Variants in STPG1 observed in about 807,000 individuals in gnomAD.
STPG1 encodes the protein O(6)-methylguanine-induced apoptosis 2.
STPG1 carries 33 observed loss-of-function variants against 40.1 expected under a neutral mutation model. The observed-to-expected ratio is 0.82, with a 90% CI of 0.62 to 1.10. The LOEUF (loss-of-function observed/expected upper bound fraction) is 1.10. STPG1 is among the 50% of genes least tolerant of loss of function. The probability of loss-of-function intolerance (pLI) is 0.00; values close to 1 mark genes in which losing one functional copy is unlikely to be tolerated. For synonymous variants in STPG1, 150 were observed against 155.0 expected (o/e 0.97, Z 0.24); for missense variants, 396 against 415.1 (o/e 0.95, Z 0.40).
At chr1:24,364,170 C>A in intron 7 of STPG1, 1 of 1,490,636 alleles carries the variant, frequency 6.7e-7, no homozygotes, top group Non-Finnish European at 8.9e-7. Context: ...TCTTGACGTT[C>A]TCACTTTCTT....
rs72880624 is a variant in STPG1 at position 24,371,057 on chromosome 1, G to T, written c.572-1218C>A. ...ATGAATTTGTGTACAAAGCTTTAAGGAAGAAGAGAATGACCAAAACTGGGG... is the reference window on the plus strand; with the variant it reads ...ATGAATTTGTGTACAAAGCTTTAAGTAAGAAGAGAATGACCAAAACTGGGG... On this transcript the variant is annotated intron_variant, in intron 6 of 8. Coordinates refer to ENST00000337248, the MANE Select transcript of STPG1 (RefSeq NM_001199013.2). Among the ~76,000 whole-genome samples the T allele has an allele frequency of 3.4e-3, 520 of 152,210 alleles. 1 individual carries two copies. The highest frequency in any genetic ancestry group is 0.012 in the African/African-American group (493 of 41,528).
At chr1:24,407,731 C>T (rs529559046) in intron 1 of STPG1, among the ~76,000 whole-genome samples, 4 of 152,088 alleles carry the variant, frequency 2.6e-5, no homozygotes, top group East Asian at 1.9e-4. Context: ...CCACCATGCC[C>T]GGCCAAGTTC....
chr1:24,397,560 T>C (rs1643057728), intron 2 of STPG1, among the ~76,000 whole-genome samples: 3 of 151,898 alleles, frequency 2.0e-5, no homozygotes, highest in Non-Finnish European at 4.4e-5. Flanking sequence ...CCAGACAATA[T>C]ATAAAAAGAT....
At chr1:24,406,120 T>C (rs932050317) in intron 1 of STPG1, among the ~76,000 whole-genome samples, 3 of 152,134 alleles carry the variant, frequency 2.0e-5, no homozygotes, top group African/African-American at 4.8e-5. Flanking sequence ...ACTTGTTATA[T>C]TGGCCCTTGT....
chr1:24,396,299 C>CATCT (rs1553126267), intron 2 of STPG1, among the ~76,000 whole-genome samples: 8,271 of 144,364 alleles, frequency 0.057, 453 homozygotes, highest in African/African-American at 0.16. Flanking sequence ...ATCTATCTAT[C>CATCT]ATCTATCTAT....
intron 4 of STPG1, among the ~76,000 whole-genome samples, chr1:24,380,724 G>C (rs1022868735): frequency 2.0e-5 from 3 of 152,164 alleles, no homozygotes; most frequent in Admixed American, 2.0e-4. Context: ...ATTTGGGGGG[G>C]TGTAGCACCA....
Position 24,373,779 on chromosome 1 carries a change from T to C in STPG1, c.494A>G (p.Asn165Ser). ...CATAAACCCGGCTCGAGTACAGACG[T>C]TGTTTCTCTGCTTGCAGCAAGAGAC... The part of the protein sequence containing the change: ...ASVSCCKQRN[N>S]VCTRAGFMSK... The change falls in exon 6 of 9, where the codon AAC becomes AGC. Residue 165 changes from asparagine (N) to serine (S), a missense_variant. Coordinates refer to ENST00000337248, the MANE Select transcript of STPG1 (RefSeq NM_001199013.2). The C allele has an allele frequency of 6.2e-7, 1 of 1,610,158 alleles. No individual in the cohort carries two copies.
intron 3 of STPG1, among the ~76,000 whole-genome samples, chr1:24,388,419 C>T (rs1318800292): frequency 6.6e-6 from 1 of 152,200 alleles, no homozygotes; most frequent in Non-Finnish European, 1.5e-5. Context: ...GGAAAACAGA[C>T]TTCATTTCTA....
In STPG1 at chr1:24,383,985, C is replaced by G; in HGVS notation, c.208G>C (p.Gly70Arg). 6.2e-6 allele frequency: 10 copies of G among 1,612,946 alleles called. No homozygotes were observed. Among genetic ancestry groups the G allele is most frequent in the Non-Finnish European group, 7.6e-6 (9 of 1,178,880 alleles). Reference sequence around the variant, plus strand: ...GACTGGTGAATAACATTGTAGAACCCAGGTCCTGGGATATCATTCTGAAAG... The same window carrying G: ...GACTGGTGAATAACATTGTAGAACCGAGGTCCTGGGATATCATTCTGAAAG... ...PHKKNDIPGP[G>R]FYNVIHQSPV... The change falls in exon 4 of 9, where the codon GGG becomes CGG. Residue 70 changes from glycine (G) to arginine (R), a missense_variant. Transcript: ENST00000337248.
At chr1:24,390,039 C>G (rs12140084) in intron 3 of STPG1, among the ~76,000 whole-genome samples, 5 of 152,126 alleles carry the variant, frequency 3.3e-5, no homozygotes, top group Non-Finnish European at 7.4e-5. Flanking sequence ...GCCCCTCACT[C>G]CATGCCTTGG....
chr1:24,369,699 T>C lies in STPG1; in HGVS notation c.712A>G (p.Lys238Glu), dbSNP rs776372347. 5.0e-6 allele frequency: 8 copies of C among 1,598,524 alleles called. No individual in the cohort carries two copies. The highest frequency in any genetic ancestry group is 6.8e-6 in the Non-Finnish European group (8 of 1,171,040). ...PGYYNPSDCT[K>E]VPKKTLFPKN... ...GGGAAAAGAGTCTTTTTTGGAACTTTTGTGCAATCACTGGGGTTGTAATAA... is the reference window on the plus strand; with the variant it reads ...GGGAAAAGAGTCTTTTTTGGAACTTCTGTGCAATCACTGGGGTTGTAATAA... Residue 238 changes from lysine (K) to glutamate (E), a missense_variant, in exon 7 of 9, where the codon AAA becomes GAA. By Grantham distance (56) the Lys-to-Glu change is moderately conservative. Transcript: ENST00000337248.
chr1:24,357,685 AG>A lies in STPG1; in HGVS notation c.*857del, dbSNP rs561751444. 2.8e-3 allele frequency: 467 copies of A among 166,472 alleles called. 1 individual carries two copies. The highest frequency in any genetic ancestry group is 2.5e-3 in the Non-Finnish European group (186 of 73,858). 10.3% of individuals were successfully genotyped at this position (166,472 alleles called of 1,614,324 possible). A position where few individuals can be genotyped will look rare whatever the true frequency, so the allele number is the denominator to read the frequency against. ...TCAAAGCCTGCTGGGAGATCAGAAA[AG>A]GAGCCTGGCAGCTCCCCACCCACCG... On this transcript the variant is annotated 3_prime_UTR_variant, in exon 9 of 9. Coordinates refer to ENST00000337248, the MANE Select transcript of STPG1 (RefSeq NM_001199013.2).
intron 2 of STPG1, among the ~76,000 whole-genome samples, chr1:24,397,336 T>C (rs200052784): frequency 3.9e-5 from 6 of 152,164 alleles, no homozygotes; most frequent in East Asian, 1.9e-4. Flanking sequence ...CCTGACCTAA[T>C]TGGCATTTAT....
At chr1:24,380,416 A>G (rs1237613951) in intron 4 of STPG1, among the ~76,000 whole-genome samples, 1 of 152,234 alleles carries the variant, frequency 6.6e-6, no homozygotes, top group Non-Finnish European at 1.5e-5. Flanking sequence ...GTTAAAAAAC[A>G]AACAGAATCA....
Position 24,361,186 on chromosome 1 carries a change from G to C in STPG1, c.738-145C>G, listed in dbSNP as rs193089326. 1.2e-4 allele frequency: 86 copies of C among 694,264 alleles called. No homozygotes were observed. In the African/African-American group the frequency reaches 1.4e-3, roughly 11 times the overall value. 43.0% of individuals were successfully genotyped at this position (694,264 alleles called of 1,614,324 possible). A position where few individuals can be genotyped will look rare whatever the true frequency, so the allele number is the denominator to read the frequency against. Reference sequence around the variant, plus strand: ...ACTGGGGCAGAGCCCTAGCTCCACTGGTAGTGAGCTGGGGACCCCTGGATC... The same window carrying C: ...ACTGGGGCAGAGCCCTAGCTCCACTCGTAGTGAGCTGGGGACCCCTGGATC... On this transcript the variant is annotated intron_variant, in intron 7 of 8. Coordinates refer to ENST00000337248, the MANE Select transcript of STPG1 (RefSeq NM_001199013.2).
chr1:24,387,991 G>A (rs6673192), intron 3 of STPG1, among the ~76,000 whole-genome samples: 39 of 152,298 alleles, frequency 2.6e-4, no homozygotes, highest in African/African-American at 8.7e-4. Context: ...ACCACTGGCT[G>A]GCTTCCCATT....
chr1:24,364,595 A>G, intron 7 of STPG1: 1 of 683,716 alleles, frequency 1.5e-6, no homozygotes, highest in South Asian at 4.9e-5. Flanking sequence ...AAGTGCAGAG[A>G]AAAGCAGAGG....
At chr1:24,390,412 T>C (rs189326521) in intron 3 of STPG1, among the ~76,000 whole-genome samples, 9 of 152,068 alleles carry the variant, frequency 5.9e-5, no homozygotes, top group African/African-American at 1.9e-4. Flanking sequence ...TGATAACACA[T>C]TGTTGTTGTG....
intron 5 of STPG1, 167 bp downstream of exon 5, chr1:24,379,478 CTGCAAATT>C (rs1454239891): frequency 1.5e-6 from 1 of 655,960 alleles, no homozygotes; most frequent in Non-Finnish European, 2.6e-6. Flanking sequence ...TCTCTGGGGT[CTGCAAATT>C]CCCTGTAAGA....
Sources: gnomAD v4.1 joint callset for allele counts (sites outside exome capture counted in the v4.1 genomes callset) on GRCh38, gnomAD v4.1.1 for gene constraint, MANE v1.5 for transcripts, NCBI Gene and HGNC (gene_info 2026-07-23, HGNC 2026-07-21) for gene names.